The following SPI1 variants were observed in gnomAD, a reference collection of about 807,000 sequenced individuals.
SPI1 encodes the protein Spi-1 proto-oncogene.
SPI1 carries 3 observed loss-of-function variants against 30.7 expected under a neutral mutation model. That is an observed-to-expected ratio of 0.10 (90% confidence interval 0.04 to 0.25). The LOEUF is 0.25. SPI1 is among the 10% of genes least tolerant of loss of function. The pLI, the probability that SPI1 is intolerant of heterozygous loss-of-function variation, is 1.00. For missense variants in SPI1, 261 were observed against 371.5 expected, an observed-to-expected ratio of 0.70 and a Z score of 2.45; for synonymous variants, 169 against 157.1, an observed-to-expected ratio of 1.08 and a Z score of -0.56.
In SPI1 at chr11:47,375,811, C is replaced by G. The variant is rs1175104354; in HGVS notation, c.46-82G>C. The G allele has an allele frequency of 2.8e-6, 3 of 1,064,976 alleles. No homozygotes were observed. In the East Asian group the frequency reaches 7.1e-5, roughly 25 times the overall value. The allele number at this position is 1,064,976 out of a possible 1,614,324, so 66.0% of individuals were successfully genotyped here. A position where few individuals can be genotyped will look rare whatever the true frequency, so the allele number is the denominator to read the frequency against. ...TGCAGCACCCCCGCACGCTGGGTCC[C>G]CATCACCTTCCCTGGCTCAGTGGCT... On this transcript the variant is annotated intron_variant, in intron 1 of 4. Transcript: ENST00000378538. The surrounding 1 kb of genome is among the most constrained non-coding windows in gnomAD (Gnocchi z 4.2).
Position 47,375,687 on chromosome 11 carries a change from G to A in SPI1, c.88C>T (p.Arg30Cys). 2 of 1,614,012 alleles carry A rather than the reference G, an allele frequency of 1.2e-6. No homozygotes were observed. The highest frequency in any genetic ancestry group is 2.2e-5 in the East Asian group (1 of 44,884). ...TAGGGGTAATACTCGTGCGTTTGGC[G>A]TTGGTATAGATCCGTGTCATAGGGC... ...LVPYDTDLYQ[R>C]QTHEYYPYLS... Residue 30 changes from arginine (R) to cysteine (C), a missense_variant, in exon 2 of 5, where the codon CGC (arginine) becomes TGC (cysteine). Arg to Cys is a radical substitution (Grantham distance 180, BLOSUM62 -3). Around this residue, in one of 5 missense-constraint regions of SPI1, gnomAD observed 78 missense variants for 93.2 expected, o/e 0.84. Transcript: ENST00000378538. This position sits in a 1 kb window ranked among gnomAD's most constrained non-coding sequence, Gnocchi z 4.2.
chr11:47,365,861 T>A (rs2095927397), intron 2 of SPI1, among the ~76,000 whole-genome samples: 1 of 152,090 alleles, frequency 6.6e-6, no homozygotes, highest in African/African-American at 2.4e-5. Context: ...TCCGCCCAAC[T>A]AATTTTTGTA....
chr11:47,366,676 C>T (rs1470125648), intron 2 of SPI1, among the ~76,000 whole-genome samples: 1 of 152,042 alleles, frequency 6.6e-6, no homozygotes, highest in Non-Finnish European at 1.5e-5. Flanking sequence ...AAAAAATTAG[C>T]TGGGCGTGGT....
At chr11:47,369,779 G>A (rs934442308) in intron 2 of SPI1, among the ~76,000 whole-genome samples, 1 of 152,118 alleles carries the variant, frequency 6.6e-6, no homozygotes, top group Admixed American at 6.6e-5. Context: ...TAGAATAAAA[G>A]ACATGAGGCA....
Position 47,355,017 on chromosome 11 carries a change from C to A in SPI1, c.*210G>T. The A allele has an allele frequency of 2.9e-6, 1 of 349,302 alleles. No homozygotes were observed. Among genetic ancestry groups the A allele is most frequent in the Non-Finnish European group, 4.9e-6 (1 of 202,982 alleles). 21.6% of individuals were successfully genotyped at this position (349,302 alleles called of 1,614,324 possible). A position where few individuals can be genotyped will look rare whatever the true frequency, so the allele number is the denominator to read the frequency against. On this transcript the variant is annotated 3_prime_UTR_variant, in exon 5 of 5. Coordinates refer to ENST00000378538, the MANE Select transcript of SPI1 (RefSeq NM_003120.3). Reference sequence around the variant, plus strand: ...CCGGTGGGGTCTGACGCCCAGCTGGCGTCCGGGAGCCGGGGTGGAGTCCTG... The same window carrying A: ...CCGGTGGGGTCTGACGCCCAGCTGGAGTCCGGGAGCCGGGGTGGAGTCCTG...
At chr11:47,357,372 TCA>T (rs1245037471) in intron 4 of SPI1, among the ~76,000 whole-genome samples, 2 of 148,486 alleles carry the variant, frequency 1.3e-5, no homozygotes, top group African/African-American at 5.0e-5. Context: ...CACTTGCACC[TCA>T]CACCTGCTCA....
intron 2 of SPI1, among the ~76,000 whole-genome samples, chr11:47,361,963 C>T (rs1019463186): frequency 6.6e-6 from 1 of 152,146 alleles, no homozygotes; most frequent in Non-Finnish European, 1.5e-5. Context: ...TTTGGCCTCA[C>T]AGTCCAGACA....
At chr11:47,357,635 G>A (rs1464582563) in intron 4 of SPI1, among the ~76,000 whole-genome samples, 4 of 152,010 alleles carry the variant, frequency 2.6e-5, no homozygotes, top group South Asian at 2.1e-4. Flanking sequence ...GCACGATCTC[G>A]GCTCACTGCA....
chr11:47,362,129 A>G (rs1412149854), intron 2 of SPI1, among the ~76,000 whole-genome samples: 2 of 152,206 alleles, frequency 1.3e-5, no homozygotes, highest in African/African-American at 2.4e-5. Flanking sequence ...GGGGCTAACA[A>G]TTACACCCAT....
rs529988413 is a variant in SPI1, at chr11:47,376,264, ACACT to A, written c.46-539_46-536del. 1.3e-3 allele frequency among the ~76,000 whole-genome samples: 193 copies of A among 151,926 alleles called. 1 individual carries two copies. The highest frequency in any genetic ancestry group is 2.4e-3 in the Non-Finnish European group (160 of 67,936). On this transcript the variant is annotated intron_variant, in intron 1 of 4. Coordinates refer to ENST00000378538, the MANE Select transcript of SPI1 (RefSeq NM_003120.3). ...CACACACGCAGAGTCTCCTTGATTG[ACACT>A]CACATGACACCACGTTCCAGCCATC...
rs113825984 is a variant in SPI1, at chr11:47,359,987, C to A, written c.196G>T (p.Ala66Ser). The A allele has an allele frequency of 6.2e-7, 1 of 1,604,622 alleles. No homozygotes were observed. The highest frequency in any genetic ancestry group is 8.5e-7 in the Non-Finnish European group (1 of 1,174,872). ...TGGAGCTCCGTGAAGTTGTTCTCGG[C>A]GAAGCTCTCGAACTCGCTGTGCACG... is the stretch of plus-strand genomic sequence containing the variant. The part of the protein sequence containing the change: ...HHVHSEFESF[A>S]ENNFTELQSV... Residue 66 changes from alanine to serine, a missense_variant, in exon 3 of 5, where the codon GCC becomes TCC. Physicochemically the swap from Ala to Ser is moderately conservative, Grantham distance 99. Around this residue, in one of 5 missense-constraint regions of SPI1, gnomAD observed 78 missense variants for 93.2 expected, o/e 0.84. Transcript: ENST00000378538. The surrounding 1 kb of genome is among the most constrained non-coding windows in gnomAD (Gnocchi z 5.1).
chr11:47,357,115 TCA>T (rs1396359487), intron 4 of SPI1, among the ~76,000 whole-genome samples: 4 of 148,262 alleles, frequency 2.7e-5, no homozygotes, highest in Admixed American at 6.7e-5. Context: ...TCACACCCAC[TCA>T]CATGCTCACA....
rs1003294395 is a variant in SPI1, at chr11:47,360,021, G to T, written c.162C>A (p.His54Gln). ...CGAACTCGCTGTGCACGTGGTGGGG[G>T]TGGAAGTCCCAGTAATGGTCTGTGG... ...ESHSDHYWDF[H>Q]PHHVHSEFES... Residue 54 changes from histidine (H) to glutamine (Q), a missense_variant, in exon 3 of 5, where the codon CAC becomes CAA. His to Gln is a conservative substitution (Grantham distance 24, BLOSUM62 0). This residue lies in a region of SPI1 where 78 missense variants were observed against 93.2 expected (regional missense o/e 0.84). Transcript: ENST00000378538. 4.4e-6 allele frequency: 7 copies of T among 1,583,956 alleles called. No individual in the cohort carries two copies. In the South Asian group the frequency reaches 4.6e-5, roughly 10 times the overall value.
intron 2 of SPI1, among the ~76,000 whole-genome samples, chr11:47,368,058 T>C (rs1324412165): frequency 6.6e-6 from 1 of 152,090 alleles, no homozygotes; most frequent in Non-Finnish European, 1.5e-5. Flanking sequence ...CGGCCGATGG[T>C]TTAATTTTTA....
chr11:47,362,214 G>A (rs551165372), intron 2 of SPI1, among the ~76,000 whole-genome samples: 5 of 152,102 alleles, frequency 3.3e-5, no homozygotes, highest in African/African-American at 1.2e-4. Context: ...CACAAAGACA[G>A]ACCTTGATAA....
chr11:47,358,608 A>T, intron 4 of SPI1: 1 of 704,658 alleles, frequency 1.4e-6, no homozygotes, highest in Non-Finnish European at 2.6e-6. Context: ...CTCATGGCAC[A>T]GAGAGACACA....
chr11:47,363,066 T>C (rs2095923217), intron 2 of SPI1, among the ~76,000 whole-genome samples: 1 of 152,202 alleles, frequency 6.6e-6, no homozygotes, highest in African/African-American at 2.4e-5. Context: ...GAAATAACTT[T>C]AGGGGACCAT....
At chr11:47,357,186 C>T (rs1292388298) in intron 4 of SPI1, among the ~76,000 whole-genome samples, 20 of 151,634 alleles carry the variant, frequency 1.3e-4, no homozygotes, top group Admixed American at 1.3e-3. Flanking sequence ...CACCCACTCA[C>T]ACACACCTGC....
intron 2 of SPI1, among the ~76,000 whole-genome samples, chr11:47,372,167 C>T (rs925784312): frequency 1.3e-5 from 2 of 150,950 alleles, no homozygotes; most frequent in East Asian, 2.0e-4. Context: ...TTCAGTGGCG[C>T]GATCTCAGCT....
Sources: gnomAD v4.1 joint callset for allele counts (sites outside exome capture counted in the v4.1 genomes callset) on GRCh38, gnomAD v4.1.1 for gene constraint, gnomAD v4.1.1 regional missense constraint, Gnocchi (gnomAD v3.1) non-coding constraint, MANE v1.5 for transcripts, NCBI Gene and HGNC (gene_info 2026-07-23, HGNC 2026-07-21) for gene names.